The following PHF14 variants were observed in gnomAD, a reference collection of about 807,000 sequenced individuals.
PHF14 encodes PHD finger protein 14.
In PHF14, 55 loss-of-function variants were observed where a neutral mutation model predicts 117.9. The observed-to-expected ratio is 0.47, with a 90% CI of 0.38 to 0.58. The LOEUF is 0.58. Among genes scored for constraint, PHF14 ranks in the 20% least tolerant of loss-of-function variants. PHF14 has a pLI of 0.00. For missense variants in PHF14, 978 were observed against 1,122.2 expected (o/e 0.87, Z 1.84); for synonymous variants, 409 against 368.6 (o/e 1.11, Z -1.26).
intron 5 of PHF14, among the ~76,000 whole-genome samples, chr7:11,021,237 C>T (rs1010091572): frequency 2.0e-5 from 3 of 152,054 alleles, no homozygotes; most frequent in African/African-American, 7.2e-5. Context: ...GTTCCTTTCC[C>T]CAGTCAGCAT....
At chr7:11,161,243 T>G (rs911811060) in intron 17 of PHF14, among the ~76,000 whole-genome samples, 6 of 152,102 alleles carry the variant, frequency 3.9e-5, no homozygotes, top group Admixed American at 6.6e-5. Context: ...AAAAAAATAT[T>G]TTTCTCTCAA....
At chr7:10,999,700 C>T (rs1049290890) in intron 4 of PHF14, among the ~76,000 whole-genome samples, 1 of 152,134 alleles carries the variant, frequency 6.6e-6, no homozygotes, top group Non-Finnish European at 1.5e-5. Flanking sequence ...GATGAATAGC[C>T]TCGGTACTGG....
chr7:11,168,963 C>T (rs1789289671), intron 17 of PHF14, among the ~76,000 whole-genome samples: 1 of 151,932 alleles, frequency 6.6e-6, no homozygotes, highest in African/African-American at 2.4e-5. Flanking sequence ...CTATTTTAGA[C>T]CTCACTGATC....
At chr7:11,011,478 T>C (rs1226954116) in intron 4 of PHF14, among the ~76,000 whole-genome samples, 26 of 152,210 alleles carry the variant, frequency 1.7e-4, no homozygotes, top group Admixed American at 1.7e-3. Flanking sequence ...TTTAATGTCA[T>C]CAGTTTATTG....
intron 6 of PHF14, among the ~76,000 whole-genome samples, chr7:11,025,662 G>A (rs1188927794): frequency 2.0e-5 from 3 of 152,150 alleles, no homozygotes; most frequent in African/African-American, 4.8e-5. Flanking sequence ...GGGCATGGTA[G>A]CAGGTGCCTG....
chr7:11,075,163 T>C (rs1785784336), intron 16 of PHF14, among the ~76,000 whole-genome samples: 1 of 152,030 alleles, frequency 6.6e-6, no homozygotes, highest in Non-Finnish European at 1.5e-5. Context: ...GGTCTCAAAC[T>C]CCTGAGCTCA....
In PHF14 at chr7:10,974,284, T is replaced by G. The variant is rs759404470; in HGVS notation, c.-40T>G. 13 of 1,574,796 alleles carry G rather than the reference T, an allele frequency of 8.3e-6. No homozygotes were observed. The highest frequency in any genetic ancestry group is 9.5e-6 in the Non-Finnish European group (11 of 1,157,742). On this transcript the variant is annotated 5_prime_UTR_variant, in exon 1 of 18. Transcript: ENST00000634607. ...GCGCTGCCTGGGCTCCTGCAGCCTC[T>G]CCCTAAGTCTTCTCCAAACGACCAC...
At chr7:11,019,940 G>C (rs1031058119) in intron 5 of PHF14, among the ~76,000 whole-genome samples, 1 of 151,974 alleles carries the variant, frequency 6.6e-6, no homozygotes, top group Non-Finnish European at 1.5e-5. Context: ...ATTACTATTC[G>C]TCATACTCTT....
intron 17 of PHF14, among the ~76,000 whole-genome samples, chr7:11,150,787 A>G (rs994949635): frequency 6.6e-6 from 1 of 152,178 alleles, no homozygotes; most frequent in Admixed American, 6.6e-5. Context: ...TTTCTGTGAC[A>G]ATGATTCAGG....
intron 16 of PHF14, among the ~76,000 whole-genome samples, chr7:11,075,588 T>A (rs1287066052): frequency 0.017 from 1,715 of 103,842 alleles, 31 homozygotes; most frequent in East Asian, 0.15. Flanking sequence ...TTTTTTTTTT[T>A]TTATTATTAT....
intron 17 of PHF14, among the ~76,000 whole-genome samples, chr7:11,128,000 A>C (rs777556500): frequency 4.6e-5 from 7 of 152,000 alleles, no homozygotes; most frequent in Non-Finnish European, 8.8e-5. Flanking sequence ...CCACCTTTTT[A>C]AAGTTGTAAC....
intron 17 of PHF14, among the ~76,000 whole-genome samples, chr7:11,131,283 C>T (rs985931844): frequency 2.0e-5 from 3 of 151,850 alleles, no homozygotes; most frequent in African/African-American, 7.3e-5. Flanking sequence ...GCATTTCATC[C>T]CACAACAAAT....
intron 6 of PHF14, among the ~76,000 whole-genome samples, chr7:11,025,945 C>G (rs34785076): frequency 6.6e-6 from 1 of 152,000 alleles, no homozygotes; most frequent in Admixed American, 6.6e-5. Flanking sequence ...AACCCTGTAT[C>G]TACTAAAAAT....
intron 16 of PHF14, among the ~76,000 whole-genome samples, chr7:11,091,365 T>G (rs989856483): frequency 2.6e-5 from 4 of 152,206 alleles, no homozygotes; most frequent in Admixed American, 2.6e-4. Context: ...GCTATATTTA[T>G]TTTTTGGAGA....
At chr7:11,069,726 G>A (rs573693193) in intron 16 of PHF14, among the ~76,000 whole-genome samples, 3 of 140,128 alleles carry the variant, frequency 2.1e-5, no homozygotes, top group East Asian at 4.4e-4. Flanking sequence ...TTTTTTTTTG[G>A]TTGGTTGGTT....
At chr7:11,023,584 C>T (rs1048388352) in intron 6 of PHF14, among the ~76,000 whole-genome samples, 1 of 152,196 alleles carries the variant, frequency 6.6e-6, no homozygotes, top group African/African-American at 2.4e-5. Context: ...CCCAGCACTT[C>T]GGGAGGCCAA....
At chr7:11,133,918 G>C (rs778313969) in intron 17 of PHF14, among the ~76,000 whole-genome samples, 4 of 151,994 alleles carry the variant, frequency 2.6e-5, no homozygotes, top group Non-Finnish European at 5.9e-5. Flanking sequence ...TTTTATTAAG[G>C]TAAGGACTAA....
chr7:11,020,734 C>T (rs1783706537), intron 5 of PHF14, among the ~76,000 whole-genome samples: 1 of 151,798 alleles, frequency 6.6e-6, no homozygotes, highest in African/African-American at 2.4e-5. Flanking sequence ...TAGTTCTGTC[C>T]CTTGCTAGAC....
intron 16 of PHF14, among the ~76,000 whole-genome samples, chr7:11,090,840 TA>T (rs1706037534): frequency 6.6e-6 from 1 of 152,246 alleles, no homozygotes; most frequent in Non-Finnish European, 1.5e-5. Flanking sequence ...AGTCTTCATA[TA>T]AACCAAGGTG....
Sources: gnomAD v4.1 joint callset for allele counts (sites outside exome capture counted in the v4.1 genomes callset) on GRCh38, gnomAD v4.1.1 for gene constraint, MANE v1.5 for transcripts, NCBI Gene and HGNC (gene_info 2026-07-23, HGNC 2026-07-21) for gene names.